The following TENM1 variants were observed in gnomAD, a reference collection of about 807,000 sequenced individuals.
TENM1 encodes the protein teneurin transmembrane protein 1.
In TENM1, 35 loss-of-function variants were observed where a neutral mutation model predicts 174.8. The observed-to-expected ratio is 0.20, with a 90% confidence interval of 0.15 to 0.27. The LOEUF (loss-of-function observed/expected upper bound fraction) is 0.27, where lower values mean the gene tolerates loss of function less well. Ranked by LOEUF, TENM1 falls within the 10% of genes least tolerant of loss-of-function variation. The probability of loss-of-function intolerance (pLI) is 1.00; values close to 1 mark genes in which losing one functional copy is unlikely to be tolerated. For synonymous variants in TENM1, 781 were observed against 798.7 expected (o/e 0.98, Z 0.37); for missense variants, 1,633 against 2,130.1 (o/e 0.77, Z 4.59).
chrX:124,943,317 G>C, intron 1 of TENM1, among the ~76,000 whole-genome samples: 1 of 111,527 alleles, frequency 9.0e-6, no homozygotes, highest in Non-Finnish European at 1.9e-5. Context: ...AAGCTACTCA[G>C]CATGGAATTC....
intron 3 of TENM1, among the ~76,000 whole-genome samples, chrX:124,795,831 C>T (rs2055293339): frequency 1.8e-5 from 2 of 110,737 alleles, no homozygotes; most frequent in Non-Finnish European, 3.8e-5. Context: ...TGAGACAGCT[C>T]TGGACTCCAG....
the TENM1 span, among the ~76,000 whole-genome samples, chrX:125,147,104 T>TTA: frequency 1.8e-5 from 2 of 109,125 alleles, no homozygotes; most frequent in African/African-American, 3.3e-5. Context: ...TATATCTAAT[T>TTA]TATATATATC....
At chrX:124,736,207 T>C (rs1368262625) in intron 4 of TENM1, among the ~76,000 whole-genome samples, 2 of 112,510 alleles carry the variant, frequency 1.8e-5, no homozygotes, top group Non-Finnish European at 3.8e-5. Context: ...TCTATGTCAA[T>C]ATAAAGTTGT....
intron 3 of TENM1, among the ~76,000 whole-genome samples, chrX:124,799,523 T>C (rs1244282664): frequency 9.0e-6 from 1 of 111,416 alleles, no homozygotes; most frequent in African/African-American, 3.3e-5. Flanking sequence ...TGGGGTTTTC[T>C]AAATATAGGA....
chrX:125,124,146 T>C, the TENM1 span, among the ~76,000 whole-genome samples: 4 of 112,579 alleles, frequency 3.6e-5, no homozygotes, highest in African/African-American at 1.3e-4. Context: ...TTTCTCTTCT[T>C]AAAATATTAC....
intron 4 of TENM1, among the ~76,000 whole-genome samples, chrX:124,725,376 TAAAA>T (rs2053421443): frequency 8.9e-6 from 1 of 111,943 alleles, no homozygotes; most frequent in African/African-American, 3.2e-5. Flanking sequence ...TTGATGAAAC[TAAAA>T]TAAATTCATT....
chrX:124,589,032 A>C (rs1293834968), intron 11 of TENM1, among the ~76,000 whole-genome samples: 3 of 108,780 alleles, frequency 2.8e-5, no homozygotes, highest in Non-Finnish European at 5.7e-5. Context: ...GTTGGCTGTG[A>C]GTTTGTCACA....
chrX:124,999,049 C>A, the TENM1 span, among the ~76,000 whole-genome samples: 1 of 110,831 alleles, frequency 9.0e-6, no homozygotes, highest in Non-Finnish European at 1.9e-5. Flanking sequence ...CATTTGGGAA[C>A]AAAAACATGA....
At chrX:124,482,806 G>C (rs1015625333) in intron 21 of TENM1, among the ~76,000 whole-genome samples, 2 of 111,637 alleles carry the variant, frequency 1.8e-5, no homozygotes, top group Non-Finnish European at 1.9e-5. Context: ...CCTAATTTTA[G>C]TTTTTCAATG....
At chrX:124,464,623 A>G (rs891516562) in intron 22 of TENM1, among the ~76,000 whole-genome samples, 3 of 111,717 alleles carry the variant, frequency 2.7e-5, no homozygotes, top group African/African-American at 9.8e-5. Flanking sequence ...CACATTTTAA[A>G]CCTTTTAAGT....
chrX:125,014,037 C>T, the TENM1 span, among the ~76,000 whole-genome samples: 1 of 111,711 alleles, frequency 9.0e-6, no homozygotes, highest in South Asian at 3.7e-4. Context: ...AACCTTCCTC[C>T]TTTAAACCTA....
At chrX:124,997,408 C>T in the TENM1 span, among the ~76,000 whole-genome samples, 1 of 111,261 alleles carries the variant, frequency 9.0e-6, no homozygotes, top group African/African-American at 3.3e-5. Context: ...CAAATGGCAG[C>T]AAATAAATTG....
At chrX:125,001,925 TCACACACACACACACACACACA>T in the TENM1 span, among the ~76,000 whole-genome samples, 5 of 67,255 alleles carry the variant, frequency 7.4e-5, no homozygotes, top group African/African-American at 1.1e-4. Context: ...TCTAGAGAGA[TCACACACACACACACACACACA>T]CACACACACA....
chrX:124,792,315 T>C (rs1408599793), intron 3 of TENM1, among the ~76,000 whole-genome samples: 1 of 112,060 alleles, frequency 8.9e-6, no homozygotes, highest in Non-Finnish European at 1.9e-5. Flanking sequence ...CCAGTAGGCA[T>C]AGGTCGTTTT....
intron 11 of TENM1, among the ~76,000 whole-genome samples, chrX:124,595,488 G>T (rs900112275): frequency 1.2e-4 from 13 of 111,741 alleles, no homozygotes; most frequent in Non-Finnish European, 5.7e-5. Flanking sequence ...TCTTTTGTAA[G>T]AAATATGAAT....
chrX:125,112,134 T>TTGTGTGTGTGTGTG, the TENM1 span, among the ~76,000 whole-genome samples: 154 of 92,713 alleles, frequency 1.7e-3, no homozygotes, highest in African/African-American at 4.9e-3. Flanking sequence ...TTTAATGAAA[T>TTGTGTGTGTGTGTG]TGTGTGTGTG....
intron 23 of TENM1, among the ~76,000 whole-genome samples, chrX:124,442,601 G>C (rs1197519438): frequency 8.9e-6 from 1 of 112,036 alleles, no homozygotes; most frequent in Non-Finnish European, 1.9e-5. Flanking sequence ...GGGAGAGAGG[G>C]AAAGACAATG....
At chrX:124,784,359 G>A (rs1311395326) in intron 3 of TENM1, among the ~76,000 whole-genome samples, 1 of 110,948 alleles carries the variant, frequency 9.0e-6, no homozygotes, top group African/African-American at 3.3e-5. Context: ...CAGAGAAATA[G>A]AAAACAAAAA....
rs932572453 is a variant in TENM1, at chrX:124,813,924, A to C, written c.536-76727T>G. ...TTTCTACCACGTGCATGTGCTACCTATTACAAAAAAAAAGAAGTGTCTTAA... is the reference window on the plus strand; with the variant it reads ...TTTCTACCACGTGCATGTGCTACCTCTTACAAAAAAAAAGAAGTGTCTTAA... On this transcript the variant is annotated intron_variant, in intron 3 of 31. Transcript: ENST00000422452. Among the ~76,000 whole-genome samples, 4 of 111,750 alleles carry C rather than the reference A, an allele frequency of 3.6e-5. No homozygotes were observed. In the East Asian group the frequency reaches 1.1e-3, roughly 31 times the overall value.
Sources: gnomAD v4.1 joint callset for allele counts (sites outside exome capture counted in the v4.1 genomes callset) on GRCh38, gnomAD v4.1.1 for gene constraint, MANE v1.5 for transcripts, NCBI Gene and HGNC (gene_info 2026-07-23, HGNC 2026-07-21) for gene names.